GTF2IRD1: variants seen among roughly 807,000 people sequenced by gnomAD.
GTF2IRD1 encodes the protein GTF2I repeat domain containing 1.
GTF2IRD1 carries 26 observed loss-of-function variants against 113.2 expected under a neutral mutation model. The observed-to-expected ratio is 0.23, with a 90% CI of 0.17 to 0.32. The LOEUF (loss-of-function observed/expected upper bound fraction) is 0.32. Among genes scored for constraint, GTF2IRD1 ranks in the 10% least tolerant of loss-of-function variants. The pLI, the probability that GTF2IRD1 is intolerant of heterozygous loss-of-function variation, is 1.00. For synonymous variants in GTF2IRD1, 484 were observed against 529.1 expected, an observed-to-expected ratio of 0.91 and a Z score of 1.17; for missense variants, 864 against 1,280.8, an observed-to-expected ratio of 0.67 and a Z score of 4.97.
Position 74,545,808 on chromosome 7 carries a change from C to T in GTF2IRD1, c.1731C>T (p.Tyr577=), listed in dbSNP as rs587665093. Residue 577 remains tyrosine, a splice_region_variant and synonymous_variant, in exon 16 of 27, where the codon TAC becomes TAT. Transcript: ENST00000424337. ...KQVELLFNTR[Y]AKAIGISEPV... ...TGGAGCTGCTCTTCAACACACGATACGGTGAGCAAGAAGTGGGACAGGGTC... is the reference window on the plus strand; with the variant it reads ...TGGAGCTGCTCTTCAACACACGATATGGTGAGCAAGAAGTGGGACAGGGTC... The T allele has an allele frequency of 8.7e-5, 140 of 1,610,044 alleles. No homozygotes were observed. The highest frequency in any genetic ancestry group is 2.3e-4 in the South Asian group (21 of 90,972).
Position 74,497,081 on chromosome 7 carries a change from G to T in GTF2IRD1, c.-6-10994G>T, listed in dbSNP as rs574831025. 2.0e-5 allele frequency among the ~76,000 whole-genome samples: 3 copies of T among 152,108 alleles called. No individual in the cohort carries two copies. In the South Asian group the frequency reaches 6.2e-4, roughly 32 times the overall value. On this transcript the variant is annotated intron_variant, in intron 1 of 26. Coordinates refer to ENST00000424337, the MANE Select transcript of GTF2IRD1 (RefSeq NM_005685.4). ...GAAGGCTGAGGTGGGAAGATGGCTT[G>T]AACCCAGGAATTTGAGGCTGCAGTG...
chr7:74,494,619 AC>A (rs1795551565), intron 1 of GTF2IRD1, among the ~76,000 whole-genome samples: 1 of 152,062 alleles, frequency 6.6e-6, no homozygotes, highest in Non-Finnish European at 1.5e-5. Context: ...AGTATTAAGA[AC>A]TTATTTATTT....
intron 1 of GTF2IRD1, among the ~76,000 whole-genome samples, chr7:74,465,584 A>G (rs1793655914): frequency 6.6e-6 from 1 of 152,156 alleles, no homozygotes; most frequent in Non-Finnish European, 1.5e-5. Flanking sequence ...GCTAGCTGCC[A>G]TCTCAGTGAA....
intron 1 of GTF2IRD1, among the ~76,000 whole-genome samples, chr7:74,465,043 GGGGTCTTGT>G (rs1793627160): frequency 6.6e-6 from 1 of 152,214 alleles, no homozygotes; most frequent in Non-Finnish European, 1.5e-5. Flanking sequence ...GCAGCTCCAA[GGGGTCTTGT>G]GACTCTCTCA....
At chr7:74,467,238 C>T (rs1463755808) in intron 1 of GTF2IRD1, among the ~76,000 whole-genome samples, 2 of 152,148 alleles carry the variant, frequency 1.3e-5, no homozygotes, top group Non-Finnish European at 2.9e-5. Context: ...GGTGAGCCCC[C>T]ATGCCCGGCC....
intron 17 of GTF2IRD1, among the ~76,000 whole-genome samples, chr7:74,549,227 C>T (rs139375416): frequency 0.19 from 27,776 of 150,022 alleles, 2,705 homozygotes; most frequent in Middle Eastern, 0.21. Flanking sequence ...CACTTGAACC[C>T]GGGAGGCGGA....
At chr7:74,461,991 G>A (rs568216875) in intron 1 of GTF2IRD1, among the ~76,000 whole-genome samples, 9 of 152,158 alleles carry the variant, frequency 5.9e-5, no homozygotes, top group Non-Finnish European at 1.0e-4. Context: ...ATAGAACAGC[G>A]CTTTGGGAGG....
intron 1 of GTF2IRD1, among the ~76,000 whole-genome samples, chr7:74,474,411 A>G (rs1477185267): frequency 1.3e-5 from 2 of 152,194 alleles, no homozygotes; most frequent in Admixed American, 6.5e-5. Context: ...TAATGAGCCT[A>G]TGGGAGAGCC....
intron 1 of GTF2IRD1, among the ~76,000 whole-genome samples, chr7:74,488,917 G>A (rs1465242123): frequency 2.6e-5 from 4 of 151,940 alleles, no homozygotes; most frequent in Non-Finnish European, 4.4e-5. Context: ...CCAAGGTGGC[G>A]GATCACCTGA....
Position 74,521,281 on chromosome 7 carries a change from C to A in GTF2IRD1, c.990C>A (p.Ile330=). The A allele has an allele frequency of 6.2e-7, 1 of 1,608,858 alleles. No individual in the cohort carries two copies. The highest frequency in any genetic ancestry group is 8.5e-7 in the Non-Finnish European group (1 of 1,175,580). Residue 330 remains isoleucine (I), a synonymous_variant, in exon 7 of 27, where the codon ATC becomes ATA. Transcript: ENST00000424337. The part of the protein sequence containing the change: ...VHASKRILFS[I]VHDKSEKWDA... ...CCTCCAAGCGCATTCTCTTCTCCATCGTCCATGACAAGTCAGGTAGGACAG... is the reference window on the plus strand; with the variant it reads ...CCTCCAAGCGCATTCTCTTCTCCATAGTCCATGACAAGTCAGGTAGGACAG...
intron 7 of GTF2IRD1, among the ~76,000 whole-genome samples, 200 bp downstream of exon 7, chr7:74,521,497 C>T (rs1236799506): frequency 1.3e-5 from 2 of 152,156 alleles, no homozygotes; most frequent in Non-Finnish European, 1.5e-5. Context: ...CATGGTGTCT[C>T]ATGCCTGTAA....
At chr7:74,539,804 G>A (rs782238005) in intron 13 of GTF2IRD1, 75 bp from the exon 14 acceptor site, 5 of 1,002,248 alleles carry the variant, frequency 5.0e-6, no homozygotes, top group Non-Finnish European at 8.0e-6. Context: ...AGACTGGGCT[G>A]GGTGGGCCCT....
chr7:74,601,242 C>T, intron 26 of GTF2IRD1, 62 bp downstream of exon 26: 1 of 1,552,062 alleles, frequency 6.4e-7, no homozygotes, highest in Non-Finnish European at 8.7e-7. Context: ...CTCTGTCTGG[C>T]AGGGCCGTCT....
chr7:74,551,792 C>T (rs782376438), intron 17 of GTF2IRD1, among the ~76,000 whole-genome samples: 25 of 151,918 alleles, frequency 1.6e-4, no homozygotes, highest in Non-Finnish European at 3.1e-4. Flanking sequence ...AAAAATTAGC[C>T]GGGTGTGGTG....
intron 22 of GTF2IRD1, among the ~76,000 whole-genome samples, chr7:74,561,991 G>A (rs1457287300): frequency 1.9e-4 from 29 of 152,230 alleles, no homozygotes; most frequent in South Asian, 4.1e-4. Context: ...CTTTCCAGGC[G>A]TTGGCACCCA....
At chr7:74,599,303 G>A (rs1554373244) in intron 25 of GTF2IRD1, among the ~76,000 whole-genome samples, 1 of 152,076 alleles carries the variant, frequency 6.6e-6, no homozygotes, top group Non-Finnish European at 1.5e-5. Flanking sequence ...TTCTTTATTG[G>A]GCTGGGCGAG....
intron 1 of GTF2IRD1, among the ~76,000 whole-genome samples, chr7:74,499,441 GGAGA>G (rs201207424): frequency 4.0e-5 from 6 of 151,310 alleles, no homozygotes; most frequent in South Asian, 2.1e-4. Context: ...AGTGGGGGAG[GGAGA>G]GAGAGAAGGA....
chr7:74,597,200 G>A (rs587712709), intron 25 of GTF2IRD1, among the ~76,000 whole-genome samples: 23 of 151,550 alleles, frequency 1.5e-4, no homozygotes, highest in African/African-American at 4.4e-4. Context: ...CTGCCACCAC[G>A]CCCAGCTATT....
intron 8 of GTF2IRD1, among the ~76,000 whole-genome samples, chr7:74,525,769 G>T (rs782689229): frequency 6.6e-6 from 1 of 150,948 alleles, no homozygotes; most frequent in Non-Finnish European, 1.5e-5. Context: ...AAAAAGAAAA[G>T]AAAATCATTA....
Sources: gnomAD v4.1 joint callset for allele counts (sites outside exome capture counted in the v4.1 genomes callset) on GRCh38, gnomAD v4.1.1 for gene constraint, MANE v1.5 for transcripts, NCBI Gene and HGNC (gene_info 2026-07-23, HGNC 2026-07-21) for gene names.